TTC14: variants seen among roughly 807,000 people sequenced by gnomAD.
The protein encoded by TTC14 is tetratricopeptide repeat protein 14.
TTC14 carries 63 observed loss-of-function variants against 79.9 expected under a neutral mutation model. That is an observed-to-expected ratio of 0.79 (90% confidence interval 0.64 to 0.97). The LOEUF (loss-of-function observed/expected upper bound fraction) is 0.97. Among genes scored for constraint, TTC14 ranks in the 50% least tolerant of loss-of-function variants. The pLI, the probability that TTC14 is intolerant of heterozygous loss-of-function variation, is 0.00. For missense variants in TTC14, 895 were observed against 894.0 expected (o/e 1.00, Z -0.01); for synonymous variants, 335 against 309.6 (o/e 1.08, Z -0.86).
chr3:180,613,609 A>G (rs886668046), downstream of TTC14, among the ~76,000 whole-genome samples: 9 of 152,214 alleles, frequency 5.9e-5, no homozygotes, highest in African/African-American at 2.2e-4. Flanking sequence ...CAGGGAAGTA[A>G]CTATCCAAGG....
In TTC14 at chr3:180,603,149, A is replaced by G. The variant is rs746052703; in HGVS notation, c.312A>G (p.Leu104=). Residue 104 remains leucine (L), a synonymous_variant, in exon 3 of 12, where the codon TTA becomes TTG. Transcript: ENST00000296015. The part of the protein sequence containing the change: ...SEDHYAIMPP[L]EQFMEIPSMD... ...ATCATTATGCAATCATGCCACCTTTAGAGCAATTCATGGAGATACCTAGTA... is the reference window on the plus strand; with the variant it reads ...ATCATTATGCAATCATGCCACCTTTGGAGCAATTCATGGAGATACCTAGTA... 2 of 1,613,962 alleles carry G rather than the reference A, an allele frequency of 1.2e-6. No homozygotes were observed. The highest frequency in any genetic ancestry group is 1.7e-6 in the Non-Finnish European group (2 of 1,179,992).
exon 13 of TTC14, chr3:180,617,649 T>G: frequency 2.5e-6 from 1 of 405,568 alleles, no homozygotes; most frequent in East Asian, 3.5e-5. Flanking sequence ...GAAAAATGCT[T>G]AGAGAATAAG....
rs887646626 is a variant in TTC14 at position 180,607,996 on chromosome 3, T to C, written c.1290+231T>C. On this transcript the variant is annotated intron_variant, in intron 10 of 11. Transcript: ENST00000296015. ...AAAACTATTACCTAAATTTGGTATG[T>C]TGTTTTGAGAAATGTCCTTATAGGG... 2.4e-6 allele frequency: 3 copies of C among 1,258,882 alleles called. No homozygotes were observed. The Admixed American group carries it at 1.2e-4, about 50-fold the overall frequency. The allele number at this position is 1,258,882 out of a possible 1,614,324, so 78.0% of individuals were successfully genotyped here. A position where few individuals can be genotyped will look rare whatever the true frequency, so the allele number is the denominator to read the frequency against.
rs138954351 is a variant in TTC14, at chr3:180,603,931, C to G, written c.487-294C>G. On this transcript the variant is annotated intron_variant, in intron 3 of 11. Transcript: ENST00000296015. The stretch of plus-strand genomic sequence containing the variant: ...TTCATTTTCACTGGAATCCTTATAC[C>G]TTTTAGACAAATTTTAGTTTGTTTT... 1.2e-3 allele frequency: 410 copies of G among 350,930 alleles called. 2 individuals are homozygous for G. The highest frequency in any genetic ancestry group is 8.1e-3 in the African/African-American group (383 of 46,994). 21.7% of individuals were successfully genotyped at this position (350,930 alleles called of 1,614,324 possible). A position where few individuals can be genotyped will look rare whatever the true frequency, so the allele number is the denominator to read the frequency against.
chr3:180,609,910 C>T lies in TTC14; in HGVS notation c.1681C>T (p.Gln561Ter). The change falls in exon 12 of 12, where the codon CAG becomes TAG. Residue 561 changes from glutamine to a stop codon, truncating the protein, a stop_gained. Transcript: ENST00000296015. LOFTEE classifies it high-confidence loss of function. The stretch of plus-strand genomic sequence containing the variant: ...AGAAGTGGAGAAACTACTGGGGAAG[C>T]AGGATAGGTTACAGTATGAAAAGAC... ...KQEVEKLLGK[Q>*]DRLQYEKTQI... 1.2e-6 allele frequency: 2 copies of T among 1,613,910 alleles called. No homozygotes were observed. The highest frequency in any genetic ancestry group is 1.7e-6 in the Non-Finnish European group (2 of 1,179,924).
downstream of TTC14, among the ~76,000 whole-genome samples, chr3:180,618,108 T>C (rs1042674943): frequency 1.3e-5 from 2 of 152,182 alleles, no homozygotes; most frequent in Admixed American, 1.3e-4. Context: ...TACAAGCTTA[T>C]AGCCTAGGAA....
chr3:180,603,418 C>T lies in TTC14; in HGVS notation c.486+95C>T, dbSNP rs556255633. The stretch of plus-strand genomic sequence containing the variant: ...TGCATGCAGTTGTGCTCAAGTATAC[C>T]TGCCAAGATGCTTTTGGAAATTAAA... On this transcript the variant is annotated intron_variant, in intron 3 of 11. Transcript: ENST00000296015. 3.8e-6 allele frequency: 4 copies of T among 1,061,494 alleles called. No individual in the cohort carries two copies. The East Asian group carries it at 9.5e-5, about 25-fold the overall frequency. 65.8% of individuals were successfully genotyped at this position (1,061,494 alleles called of 1,614,324 possible).
chr3:180,611,874 C>A (rs1197888543), downstream of TTC14, among the ~76,000 whole-genome samples: 1 of 152,162 alleles, frequency 6.6e-6, no homozygotes, highest in African/African-American at 2.4e-5. Context: ...TCTTGCAGTT[C>A]TTGCCAACAG....
chr3:180,610,021 A>T lies in TTC14; in HGVS notation c.1792A>T (p.Arg598Ter). Reference protein sequence around the residue: ...DDFGGRSEDPRDFYNSYKTQA... With the variant: ...DDFGGRSEDP ...TTTTGGAGGTAGGTCTGAAGATCCA[A>T]GAGATTTTTATAACAGCTATAAAAC... Residue 598 changes from arginine to a stop codon, truncating the protein, a stop_gained, in exon 12 of 12, where the codon AGA becomes TGA. Coordinates refer to ENST00000296015, the MANE Select transcript of TTC14 (RefSeq NM_133462.4). LOFTEE classifies it high-confidence loss of function. 1 of 1,614,102 alleles carries T rather than the reference A, an allele frequency of 6.2e-7. No individual in the cohort carries two copies. Among genetic ancestry groups the T allele is most frequent in the Non-Finnish European group, 8.5e-7 (1 of 1,179,972 alleles).
At chr3:180,609,267 C>A in intron 11 of TTC14, 16 of 931,302 alleles carry the variant, frequency 1.7e-5, no homozygotes, top group Non-Finnish European at 1.9e-5. Flanking sequence ...CACCCCCTAC[C>A]AAGAATTATT....
chr3:180,604,353 AT>A (rs750197622), intron 4 of TTC14, 44 bp downstream of exon 4: 5 of 1,586,070 alleles, frequency 3.2e-6, no homozygotes, highest in Non-Finnish European at 4.3e-6. Flanking sequence ...TGATTGTTGA[AT>A]TTTTGTTTTT....
chr3:180,605,501 T>C (rs1275828098), intron 6 of TTC14: 4 of 295,688 alleles, frequency 1.4e-5, no homozygotes, highest in Non-Finnish European at 2.5e-5. Flanking sequence ...CAGGATGGTC[T>C]CAATCTCCTG....
At position 180,617,423 on chromosome 3, in the gene TTC14, G is replaced by T. The variant is rs960006025; in HGVS notation, c.1818G>T (p.Gln606His). The T allele has an allele frequency of 8.9e-6, 6 of 672,486 alleles. No homozygotes were observed. The African/African-American group carries it at 1.1e-4, about 12-fold the overall frequency. 41.7% of individuals were successfully genotyped at this position (672,486 alleles called of 1,614,324 possible). Residue 606 changes from glutamine (Q) to histidine (H), a missense_variant, in exon 13 of 13, where the codon CAG becomes CAT. By Grantham distance (24) the Gln-to-His change is conservative. Coordinates refer to the TTC14 transcript ENST00000382584. ...AAAAGTTAACTATAAAACAGCCTCA[G>T]GCAGGTCCTTCAGGAGATATTCCAG...
chr3:180,611,082 A>AATT lies in TTC14; in HGVS notation c.*541_*543dup. 1 of 977,138 alleles carries AATT rather than the reference A, an allele frequency of 1.0e-6. No individual in the cohort carries two copies. Among genetic ancestry groups the AATT allele is most frequent in the Non-Finnish European group, 1.2e-6 (1 of 822,436 alleles). The allele number at this position is 977,138 out of a possible 1,614,324, so 60.5% of individuals were successfully genotyped here. The stretch of plus-strand genomic sequence containing the variant: ...TTTTAAATGGTAGATTATATGTCTT[A>AATT]ATTTTCCTCTAAAGCCCAATTTGAT... On this transcript the variant is annotated 3_prime_UTR_variant, in exon 12 of 12. Coordinates refer to ENST00000296015, the MANE Select transcript of TTC14 (RefSeq NM_133462.4).
At chr3:180,616,615 A>G (rs1717254328) in intron 12 of TTC14, 1 of 1,596,146 alleles carries the variant, frequency 6.3e-7, no homozygotes, top group South Asian at 1.1e-5. Flanking sequence ...GTTTCATTTC[A>G]CGAAGTTTGA....
chr3:180,605,980 TA>T, intron 7 of TTC14, 143 bp downstream of exon 7: 1 of 905,970 alleles, frequency 1.1e-6, no homozygotes, highest in East Asian at 2.6e-5. Context: ...TTTATAGATG[TA>T]AGTAGTCTTA....
At chr3:180,603,361 G>A (rs766723397) in intron 3 of TTC14, 38 bp downstream of exon 3, 1 of 1,545,746 alleles carries the variant, frequency 6.5e-7, no homozygotes, top group Non-Finnish European at 8.9e-7. Context: ...TTCTGTTTTT[G>A]TTAACGCATC....
downstream of TTC14, among the ~76,000 whole-genome samples, chr3:180,618,160 T>C (rs552070011): frequency 4.9e-4 from 74 of 152,306 alleles, no homozygotes; most frequent in African/African-American, 1.4e-3. Context: ...TACACTCTTA[T>C]GATGTTCACA....
At position 180,606,273 on chromosome 3, in the gene TTC14, A is replaced by G. The variant is rs1170413371; in HGVS notation, c.950A>G (p.Tyr317Cys). ...TTTAGTGTGAAGATCGGAGTTGACT[A>G]TTTTAAAGTTGGACGCCATGTGGAT... The part of the protein sequence containing the change: ...ALKCVKIGVD[Y>C]FKVGRHVDAM... The change falls in exon 8 of 12, where the codon TAT (tyrosine) becomes TGT (cysteine). Residue 317 changes from tyrosine (Y) to cysteine (C), a missense_variant. By Grantham distance (194) the Tyr-to-Cys change is radical. Transcript: ENST00000296015. The G allele has an allele frequency of 1.9e-6, 3 of 1,614,096 alleles. No individual in the cohort carries two copies. Among genetic ancestry groups the G allele is most frequent in the Admixed American group, 1.7e-5 (1 of 60,020 alleles).
Sources: gnomAD v4.1 joint callset for allele counts (sites outside exome capture counted in the v4.1 genomes callset) on GRCh38, gnomAD v4.1.1 for gene constraint, MANE v1.5 for transcripts, NCBI Gene and HGNC (gene_info 2026-07-23, HGNC 2026-07-21) for gene names.